The following MAPK8IP2 variants were observed in gnomAD, a reference collection of about 807,000 sequenced individuals.
MAPK8IP2 encodes mitogen-activated protein kinase 8 interacting protein 2.
In MAPK8IP2, 15 loss-of-function variants were observed where a neutral mutation model predicts 75.6. The ratio of observed to expected loss-of-function variants is 0.20; its 90% CI spans 0.13 to 0.31. The LOEUF is 0.31. Among genes scored for constraint, MAPK8IP2 ranks in the 10% least tolerant of loss-of-function variants. The pLI, the probability that MAPK8IP2 is intolerant of heterozygous loss-of-function variation, is 1.00. For synonymous variants in MAPK8IP2, 632 were observed against 554.5 expected (o/e 1.14, Z -1.96); for missense variants, 1,089 against 1,211.2 (o/e 0.90, Z 1.50).
intron 2 of MAPK8IP2, 124 bp from the exon 3 acceptor site, chr22:50,603,099 G>A (rs1460624616): frequency 6.4e-7 from 1 of 1,573,514 alleles, no homozygotes; most frequent in Non-Finnish European, 8.6e-7. Context: ...AGACAGAGGG[G>A]CAGAGTGAGC....
In MAPK8IP2 at chr22:50,610,348, C is replaced by T. The variant is rs1365285297; in HGVS notation, c.2402+38C>T. 2 of 1,530,908 alleles carry T rather than the reference C, an allele frequency of 1.3e-6. No homozygotes were observed. Among genetic ancestry groups the T allele is most frequent in the East Asian group, 4.7e-5 (2 of 42,156 alleles). The allele number at this position is 1,530,908 out of a possible 1,614,324, so 94.8% of individuals were successfully genotyped here. A position where few individuals can be genotyped will look rare whatever the true frequency, so the allele number is the denominator to read the frequency against. ...CCAGGGTGTGGGTGCAGAATGGGTGCAGGGTTACGGAGGTGGGGAGCGGAG... is the reference window on the plus strand; with the variant it reads ...CCAGGGTGTGGGTGCAGAATGGGTGTAGGGTTACGGAGGTGGGGAGCGGAG... On this transcript the variant is annotated intron_variant, in intron 11 of 11. Coordinates refer to ENST00000329492, the MANE Select transcript of MAPK8IP2 (RefSeq NM_012324.6). The surrounding 1 kb of genome is among the most constrained non-coding windows in gnomAD (Gnocchi z 4.3).
Position 50,608,493 on chromosome 22 carries a change from C to T in MAPK8IP2, c.2303+1502C>T, listed in dbSNP as rs111256363. ...GCTCTGGGGTGGAGAGGTGGGACAG[C>T]GGGCAGGGGCGCAGACCAGACAGCG... On this transcript the variant is annotated intron_variant, in intron 10 of 11. Coordinates refer to ENST00000329492, the MANE Select transcript of MAPK8IP2 (RefSeq NM_012324.6). Among the ~76,000 whole-genome samples the T allele has an allele frequency of 1.2e-3, 131 of 113,176 alleles. No homozygotes were observed. In the East Asian group the frequency reaches 0.023, roughly 20 times the overall value. The allele number at this position is 113,176 out of a possible 152,430, so 74.2% of individuals were successfully genotyped here.
rs1419592919 is a variant in MAPK8IP2, at chr22:50,611,372, T to A, written c.*593T>A. On this transcript the variant is annotated 3_prime_UTR_variant, in exon 12 of 12. Transcript: ENST00000329492. The surrounding 1 kb of genome is among the most constrained non-coding windows in gnomAD (Gnocchi z 5.5). ...TGCGGAGGCTAGGAGTGGTTCTTGA[T>A]GCTCACCTGAAGCCCCTAGACGCTG... is the stretch of plus-strand genomic sequence containing the variant. 6.6e-6 allele frequency: 1 copy of A among 152,436 alleles called. No homozygotes were observed. Among genetic ancestry groups the A allele is most frequent in the Non-Finnish European group, 1.5e-5 (1 of 68,068 alleles). The allele number at this position is 152,436 out of a possible 1,614,324, so 9.4% of individuals were successfully genotyped here. A position where few individuals can be genotyped will look rare whatever the true frequency, so the allele number is the denominator to read the frequency against.
rs1224146904 is a variant in MAPK8IP2, at chr22:50,610,296, G to A, written c.2388G>A (p.Val796=). 6.2e-7 allele frequency: 1 copy of A among 1,604,248 alleles called. No individual in the cohort carries two copies. Among genetic ancestry groups the A allele is most frequent in the Non-Finnish European group, 8.5e-7 (1 of 1,175,454 alleles). The change falls in exon 11 of 12, where the codon GTG becomes GTA. Residue 796 remains valine, a synonymous_variant. Coordinates refer to ENST00000329492, the MANE Select transcript of MAPK8IP2 (RefSeq NM_012324.6). This position sits in a 1 kb window ranked among gnomAD's most constrained non-coding sequence, Gnocchi z 4.3. ...VFVSQESMRP[V]AQSVGRAFLE... ...TCTCCCAGGAGTCCATGAGGCCGGT[G>A]GCGCAGAGTGTGGGGTGAGTGGGGC...
rs776830721 is a variant in MAPK8IP2, at chr22:50,604,823, G to A, written c.1524G>A (p.Ala508=). Residue 508 remains alanine (A), a synonymous_variant, in exon 5 of 12, where the codon GCG becomes GCA. Coordinates refer to ENST00000329492, the MANE Select transcript of MAPK8IP2 (RefSeq NM_012324.6). The part of the protein sequence containing the change: ...APRDASLVYD[A]VKYTLVVDEH... ...GGGACGCGTCGCTGGTGTACGACGC[G>A]GTCAAGTACACGCTGGTGGTGGATG... The A allele has an allele frequency of 1.1e-5, 17 of 1,567,466 alleles. No homozygotes were observed. The South Asian group carries it at 1.4e-4, about 13-fold the overall frequency.
chr22:50,604,993 C>T lies in MAPK8IP2; in HGVS notation c.1694C>T (p.Pro565Leu), dbSNP rs149496137. 928 of 1,612,462 alleles carry T rather than the reference C, an allele frequency of 5.8e-4. 2 individuals are homozygous for T. Among genetic ancestry groups the T allele is most frequent in the Middle Eastern group, 3.6e-3 (22 of 6,062 alleles). ...GGGQVSGDTS[P>L]DSPDLTFSKK... ...GGTCAGGTCTCGGGGGACACCTCGC[C>T]GGACAGCCCTGACCTCACTTTCTCC... Residue 565 changes from proline to leucine, a missense_variant, in exon 5 of 12, where the codon CCG becomes CTG. Transcript: ENST00000329492.
chr22:50,606,304 C>T lies in MAPK8IP2; in HGVS notation c.2125-354C>T, dbSNP rs1477135943. Among the ~76,000 whole-genome samples, 3 of 136,018 alleles carry T rather than the reference C, an allele frequency of 2.2e-5. No individual in the cohort carries two copies. The East Asian group carries it at 6.9e-4, about 31-fold the overall frequency. 89.2% of individuals were successfully genotyped at this position (136,018 alleles called of 152,430 possible). On this transcript the variant is annotated intron_variant, in intron 8 of 11. Coordinates refer to ENST00000329492, the MANE Select transcript of MAPK8IP2 (RefSeq NM_012324.6). Reference sequence around the variant, plus strand: ...ACTCACTCAGTGGACGTTTAGTGAGCACCTGCCCAGGCACCAGTACTGAGG... The same window carrying T: ...ACTCACTCAGTGGACGTTTAGTGAGTACCTGCCCAGGCACCAGTACTGAGG...
rs187888633 is a variant in MAPK8IP2 at position 50,601,353 on chromosome 22, G to T, written c.66-436G>T. The T allele has an allele frequency of 2.3e-4, 41 of 175,060 alleles. No homozygotes were observed. In the East Asian group the frequency reaches 5.9e-3, roughly 25 times the overall value. The allele number at this position is 175,060 out of a possible 1,614,324, so 10.8% of individuals were successfully genotyped here. A position where few individuals can be genotyped will look rare whatever the true frequency, so the allele number is the denominator to read the frequency against. On this transcript the variant is annotated intron_variant, in intron 1 of 11. Transcript: ENST00000329492. ...GGGACTGGGGTTGGGAGGACGCTGG[G>T]CCTCTGGGTTTAGGCCTCACTCCGC... is the stretch of plus-strand genomic sequence containing the variant.
At position 50,611,659 on chromosome 22, in the gene MAPK8IP2, T is replaced by G. The variant is rs961787008; in HGVS notation, c.*880T>G. ...CGGGAGTGTTGTGGCAATCTCACCCTTTTAGCTCTTTCCGAAATTGTGCCG... is the reference window on the plus strand; with the variant it reads ...CGGGAGTGTTGTGGCAATCTCACCCGTTTAGCTCTTTCCGAAATTGTGCCG... On this transcript the variant is annotated 3_prime_UTR_variant, in exon 12 of 12. Coordinates refer to ENST00000329492, the MANE Select transcript of MAPK8IP2 (RefSeq NM_012324.6). This position sits in a 1 kb window ranked among gnomAD's most constrained non-coding sequence, Gnocchi z 5.5. 1 of 152,280 alleles carries G rather than the reference T, an allele frequency of 6.6e-6. No homozygotes were observed. The highest frequency in any genetic ancestry group is 1.5e-5 in the Non-Finnish European group (1 of 68,102). The allele number at this position is 152,280 out of a possible 1,614,324, so 9.4% of individuals were successfully genotyped here.
chr22:50,608,866 G>C (rs961784346), intron 10 of MAPK8IP2, among the ~76,000 whole-genome samples: 3 of 151,742 alleles, frequency 2.0e-5, no homozygotes, highest in Middle Eastern at 3.2e-3. Flanking sequence ...TGGGGTCACT[G>C]GGACAGCGGA....
rs754332712 is a variant in MAPK8IP2 at position 50,603,623 on chromosome 22, C to T, written c.448-3C>T. 14 of 1,592,628 alleles carry T rather than the reference C, an allele frequency of 8.8e-6. No homozygotes were observed. Among genetic ancestry groups the T allele is most frequent in the Middle Eastern group, 3.3e-4 (2 of 6,062 alleles). On this transcript the variant is annotated splice_polypyrimidine_tract_variant and splice_region_variant and intron_variant, in intron 3 of 11. Coordinates refer to ENST00000329492, the MANE Select transcript of MAPK8IP2 (RefSeq NM_012324.6). ...GGACCGCCGTCATGTATCTCCACCC[C>T]AGGACTCCCTAAACAACAACGGAGG...
chr22:50,606,145 C>T (rs576091061), intron 8 of MAPK8IP2, among the ~76,000 whole-genome samples: 2 of 152,328 alleles, frequency 1.3e-5, no homozygotes, highest in African/African-American at 4.8e-5. Flanking sequence ...AGCACAGCAG[C>T]TGTCCCTCAT....
rs984104815 is a variant in MAPK8IP2 at position 50,612,573 on chromosome 22, C to T, written c.*1794C>T. ...ATCCAGAGGTTCAGCCCGTGTGCAG[C>T]GCACAGACCTGAGGCCCCAGAGAGA... is the stretch of plus-strand genomic sequence containing the variant. On this transcript the variant is annotated 3_prime_UTR_variant, in exon 12 of 12. Transcript: ENST00000329492. 9 of 152,458 alleles carry T rather than the reference C, an allele frequency of 5.9e-5. No homozygotes were observed. Among genetic ancestry groups the T allele is most frequent in the African/African-American group, 2.2e-4 (9 of 41,586 alleles). The allele number at this position is 152,458 out of a possible 1,614,324, so 9.4% of individuals were successfully genotyped here. A position where few individuals can be genotyped will look rare whatever the true frequency, so the allele number is the denominator to read the frequency against.
rs935887659 is a variant in MAPK8IP2, at chr22:50,612,999, C to G, written c.*2220C>G. On this transcript the variant is annotated 3_prime_UTR_variant, in exon 12 of 12. Transcript: ENST00000329492. ...AGTCCTTCGCCTGTCTGCCTTCCACCTCTCTGCAGCTCCTTCTCCAATCTC... is the reference window on the plus strand; with the variant it reads ...AGTCCTTCGCCTGTCTGCCTTCCACGTCTCTGCAGCTCCTTCTCCAATCTC... 1 of 128,198 alleles carries G rather than the reference C, an allele frequency of 7.8e-6. No individual in the cohort carries two copies. The highest frequency in any genetic ancestry group is 2.2e-4 in the East Asian group (1 of 4,618). The allele number at this position is 128,198 out of a possible 1,614,324, so 7.9% of individuals were successfully genotyped here. A position where few individuals can be genotyped will look rare whatever the true frequency, so the allele number is the denominator to read the frequency against.
chr22:50,602,524 G>C (rs1331415183), intron 2 of MAPK8IP2, among the ~76,000 whole-genome samples: 1 of 152,174 alleles, frequency 6.6e-6, no homozygotes, highest in East Asian at 1.9e-4. Context: ...CATTCCAACA[G>C]GGACATAAGT....
chr22:50,605,145 T>G, intron 5 of MAPK8IP2, 81 bp downstream of exon 5: 1 of 1,507,622 alleles, frequency 6.6e-7, no homozygotes, highest in Non-Finnish European at 9.1e-7. Context: ...TCCCCCACAG[T>G]GCCCAGGGCC....
intron 1 of MAPK8IP2, 99 bp from the exon 2 acceptor site, chr22:50,601,689 TG>T (rs1315920820): frequency 1.3e-6 from 1 of 797,394 alleles, no homozygotes; most frequent in African/African-American, 1.7e-5. Flanking sequence ...TGGAAACCAC[TG>T]GGTGTAGGAG....
rs1166847579 is a variant in MAPK8IP2, at chr22:50,604,853, C to T, written c.1554C>T (p.His518=). The T allele has an allele frequency of 1.3e-6, 2 of 1,594,280 alleles. No individual in the cohort carries two copies. Among genetic ancestry groups the T allele is most frequent in the African/African-American group, 1.3e-5 (1 of 74,612 alleles). Residue 518 remains histidine (H), a synonymous_variant, in exon 5 of 12, where the codon CAC becomes CAT. Coordinates refer to ENST00000329492, the MANE Select transcript of MAPK8IP2 (RefSeq NM_012324.6). ...AGTACACGCTGGTGGTGGATGAGCA[C>T]ACGCAGCTGGAGCTGGTGAGCCTGC... ...AVKYTLVVDE[H]TQLELVSLRR... is the part of the protein sequence containing the mutation.
rs138520389 is a variant in MAPK8IP2, at chr22:50,602,913, C to T, written c.172-310C>T. Among the ~76,000 whole-genome samples the T allele has an allele frequency of 6.4e-3, 978 of 152,262 alleles. 3 individuals are homozygous for T. Among genetic ancestry groups the T allele is most frequent in the Middle Eastern group, 0.01 (3 of 294 alleles). On this transcript the variant is annotated intron_variant, in intron 2 of 11. Coordinates refer to ENST00000329492, the MANE Select transcript of MAPK8IP2 (RefSeq NM_012324.6). Reference sequence around the variant, plus strand: ...AACTGTAAGTTGTGTTAAAACGCTGCGAAGGGAACACAGTGCTGGTGTCAA... The same window carrying T: ...AACTGTAAGTTGTGTTAAAACGCTGTGAAGGGAACACAGTGCTGGTGTCAA...
Sources: gnomAD v4.1 joint callset for allele counts (sites outside exome capture counted in the v4.1 genomes callset) on GRCh38, gnomAD v4.1.1 for gene constraint, Gnocchi (gnomAD v3.1) non-coding constraint, MANE v1.5 for transcripts, NCBI Gene and HGNC (gene_info 2026-07-23, HGNC 2026-07-21) for gene names.